Variants in FAIM2 observed in about 807,000 individuals in gnomAD.
FAIM2 encodes Fas apoptotic inhibitory molecule 2.
A neutral mutation model predicts 47.4 loss-of-function variants in FAIM2; 27 were observed. The observed-to-expected ratio is 0.57, with a 90% CI of 0.42 to 0.78. FAIM2 has a LOEUF of 0.78. FAIM2 is among the 30% of genes least tolerant of loss of function. FAIM2 has a pLI of 0.00. For synonymous variants in FAIM2, 156 were observed against 159.3 expected, an observed-to-expected ratio of 0.98 and a Z score of 0.16; for missense variants, 311 against 389.4, an observed-to-expected ratio of 0.80 and a Z score of 1.69.
At chr12:49,880,368 ATG>A (rs1227071727) in intron 11 of FAIM2, among the ~76,000 whole-genome samples, 2 of 123,118 alleles carry the variant, frequency 1.6e-5, no homozygotes, top group African/African-American at 2.7e-5. Flanking sequence ...GTATATGTGC[ATG>A]TGTATGTGTG....
intron 11 of FAIM2, among the ~76,000 whole-genome samples, chr12:49,880,158 G>GTGT (rs1445438465): frequency 2.0e-5 from 3 of 148,052 alleles, no homozygotes; most frequent in Admixed American, 6.9e-5. Context: ...GTATGTGTGT[G>GTGT]CATGTGTGTA....
chr12:49,870,731 C>T (rs534017534), intron 11 of FAIM2, 78 bp from the exon 12 acceptor site: 1 of 1,434,230 alleles, frequency 7.0e-7, no homozygotes, highest in African/African-American at 1.4e-5. Context: ...CCAGGTGTCC[C>T]CCTCAGCCCC....
rs188400800 is a variant in FAIM2, at chr12:49,870,812, A to G, written c.802-159T>C. On this transcript the variant is annotated intron_variant, in intron 11 of 11. Transcript: ENST00000320634. ...CCCTCCTGTGACACCTTCTGTCCCT[A>G]ATTCTATTCAGCAGCTATTTACTGA... Among the ~76,000 whole-genome samples the G allele has an allele frequency of 5.2e-4, 79 of 152,222 alleles. 1 individual carries two copies. The highest frequency in any genetic ancestry group is 3.6e-3 in the Admixed American group (55 of 15,298).
intron 11 of FAIM2, among the ~76,000 whole-genome samples, chr12:49,881,329 T>A (rs1192532478): frequency 2.0e-5 from 3 of 152,202 alleles, no homozygotes; most frequent in African/African-American, 4.8e-5. Context: ...GTCCTCAATT[T>A]GGCCAGGCTG....
At chr12:49,877,838 A>G (rs1946748019) in intron 11 of FAIM2, among the ~76,000 whole-genome samples, 1 of 149,818 alleles carries the variant, frequency 6.7e-6, no homozygotes, top group Admixed American at 6.6e-5. Context: ...ATGTGCGTAT[A>G]TGTGTGTAGG....
In FAIM2 at chr12:49,880,958, C is replaced by G. The variant is rs77150882; in HGVS notation, c.801+6428G>C. ...ATGCTCAGCTTAGCAGCAGCTGCCTCAGGCTGGTCCCTGCCAGCTCTGAGG... is the reference window on the plus strand; with the variant it reads ...ATGCTCAGCTTAGCAGCAGCTGCCTGAGGCTGGTCCCTGCCAGCTCTGAGG... On this transcript the variant is annotated intron_variant, in intron 11 of 11. Transcript: ENST00000320634. Among the ~76,000 whole-genome samples the G allele has an allele frequency of 4.9e-3, 742 of 152,168 alleles. 4 individuals are homozygous for G. The highest frequency in any genetic ancestry group is 0.017 in the African/African-American group (706 of 41,500).
At chr12:49,889,976 G>A (rs1946888205) in intron 8 of FAIM2, 141 bp downstream of exon 8, 2 of 794,696 alleles carry the variant, frequency 2.5e-6, no homozygotes, top group Non-Finnish European at 4.2e-6. Flanking sequence ...GAGGACCCTA[G>A]GCCAAAGCCT....
chr12:49,884,741 A>G (rs139146859), intron 11 of FAIM2, among the ~76,000 whole-genome samples: 1,894 of 152,282 alleles, frequency 0.012, 36 homozygotes, highest in African/African-American at 0.042. Flanking sequence ...TTGGGAGGCC[A>G]AGGCGGGCGG....
rs1372749789 is a variant in FAIM2, at chr12:49,870,516, A to G, written c.939T>C (p.Thr313=). 1.2e-6 allele frequency: 2 copies of G among 1,613,854 alleles called. No homozygotes were observed. The highest frequency in any genetic ancestry group is 1.7e-6 in the Non-Finnish European group (2 of 1,179,838). ...IFTFFLQLFG[T]NRE ...CAGGGAGGGCTCCTCATTCTCGGTTAGTGCCAAAAAGCTGCAGGAAGAAGG... is the reference window on the plus strand; with the variant it reads ...CAGGGAGGGCTCCTCATTCTCGGTTGGTGCCAAAAAGCTGCAGGAAGAAGG... The change falls in exon 12 of 12, where the codon ACT becomes ACC. Residue 313 remains threonine, a synonymous_variant. Coordinates refer to ENST00000320634, the MANE Select transcript of FAIM2 (RefSeq NM_012306.4).
At chr12:49,881,098 A>T (rs937331622) in intron 11 of FAIM2, among the ~76,000 whole-genome samples, 2 of 152,124 alleles carry the variant, frequency 1.3e-5, no homozygotes, top group Admixed American at 6.5e-5. Flanking sequence ...CCTACTGAGC[A>T]TCTTCCTATC....
At chr12:49,879,368 ATGTG>A (rs1247680161) in intron 11 of FAIM2, among the ~76,000 whole-genome samples, 1 of 146,558 alleles carries the variant, frequency 6.8e-6, no homozygotes, top group African/African-American at 2.6e-5. Context: ...ATGTGTGTGC[ATGTG>A]TGTATATGTG....
At chr12:49,888,627 G>A (rs955615773) in intron 10 of FAIM2, among the ~76,000 whole-genome samples, 1 of 152,142 alleles carries the variant, frequency 6.6e-6, no homozygotes, top group African/African-American at 2.4e-5. Context: ...CCAGCTGGTG[G>A]ATGCTCTAAG....
chr12:49,882,092 C>A (rs755827597), intron 11 of FAIM2, among the ~76,000 whole-genome samples: 35 of 152,348 alleles, frequency 2.3e-4, no homozygotes, highest in Non-Finnish European at 4.1e-4. Context: ...CTCTTCACCC[C>A]ACTCTTGCAC....
chr12:49,886,232 C>G (rs764576786), intron 11 of FAIM2, among the ~76,000 whole-genome samples: 98 of 152,182 alleles, frequency 6.4e-4, no homozygotes, highest in Middle Eastern at 3.2e-3. Context: ...CATTCGGGTG[C>G]GTGGGGCCCA....
At chr12:49,886,477 T>C (rs1946862123) in intron 11 of FAIM2, among the ~76,000 whole-genome samples, 1 of 151,996 alleles carries the variant, frequency 6.6e-6, no homozygotes, top group African/African-American at 2.4e-5. Context: ...AATTTATTTA[T>C]TATTATTATT....
intron 1 of FAIM2, among the ~76,000 whole-genome samples, chr12:49,902,538 A>AGGGGCAGAG (rs1324402437): frequency 6.6e-6 from 1 of 152,132 alleles, no homozygotes; most frequent in Non-Finnish European, 1.5e-5. Flanking sequence ...GCTGGGGACA[A>AGGGGCAGAG]GGGGCAGAGG....
At chr12:49,889,407 A>G in intron 9 of FAIM2, 74 bp downstream of exon 9, 1 of 1,391,794 alleles carries the variant, frequency 7.2e-7, no homozygotes, top group Non-Finnish European at 1.0e-6. Flanking sequence ...CCGAGCTCTG[A>G]GGCCCCCACC....
Position 49,901,122 on chromosome 12 carries a change from A to G in FAIM2, c.211+8T>C. 1 of 1,563,776 alleles carries G rather than the reference A, an allele frequency of 6.4e-7. No individual in the cohort carries two copies. Among genetic ancestry groups the G allele is most frequent in the Non-Finnish European group, 8.6e-7 (1 of 1,161,934 alleles). On this transcript the variant is annotated splice_region_variant and intron_variant, in intron 2 of 11. Transcript: ENST00000320634. ...GATGCTTCAGGTTCCAGGAGCTGAA[A>G]GACTTACTGGGGTCCACATAGGCCC...
At chr12:49,875,891 G>A (rs748779651) in intron 11 of FAIM2, among the ~76,000 whole-genome samples, 1 of 152,098 alleles carries the variant, frequency 6.6e-6, no homozygotes, top group Non-Finnish European at 1.5e-5. Flanking sequence ...GAGGAGAATC[G>A]CTTGAACCCG....
Sources: allele counts gnomAD v4.1 joint callset (sites outside exome capture counted in the v4.1 genomes callset), GRCh38; gene constraint gnomAD v4.1.1; transcripts MANE v1.5; gene names NCBI Gene and HGNC (gene_info 2026-07-23, HGNC 2026-07-21).